HECW1: variants seen among roughly 807,000 people sequenced by gnomAD.
The protein encoded by HECW1 is HECT, C2 and WW domain containing E3 ubiquitin protein ligase 1, also known as E3 ubiquitin-protein ligase HECW1.
In HECW1, 61 loss-of-function variants were observed where a neutral mutation model predicts 182.3. The observed-to-expected ratio is 0.33, with a 90% CI of 0.27 to 0.41. The LOEUF is 0.41. Among genes scored for constraint, HECW1 ranks in the 10% least tolerant of loss-of-function variants. The pLI is 1.00. For missense variants in HECW1, 1,739 were observed against 2,108.9 expected, an observed-to-expected ratio of 0.82 and a Z score of 3.44; for synonymous variants, 859 against 832.6, an observed-to-expected ratio of 1.03 and a Z score of -0.55.
At chr7:43,114,461 A>G (rs1484536343) in intron 2 of HECW1, 70 bp downstream of exon 2, 1 of 1,257,452 alleles carries the variant, frequency 8.0e-7, no homozygotes, top group Non-Finnish European at 1.0e-6. Context: ...TAGAGTCCAC[A>G]TGCCCACCCT....
At chr7:43,278,465 C>T (rs1803458791) in intron 3 of HECW1, among the ~76,000 whole-genome samples, 1 of 152,162 alleles carries the variant, frequency 6.6e-6, no homozygotes, top group South Asian at 2.1e-4. Flanking sequence ...CCTCCTGTTC[C>T]CACCCATGCG....
chr7:43,508,886 G>C lies in HECW1; in HGVS notation c.3867-83G>C. The C allele has an allele frequency of 2.1e-6, 3 of 1,460,510 alleles. No individual in the cohort carries two copies. The South Asian group carries it at 3.8e-5, about 19-fold the overall frequency. 90.5% of individuals were successfully genotyped at this position (1,460,510 alleles called of 1,614,324 possible). On this transcript the variant is annotated intron_variant, in intron 23 of 29. Coordinates refer to ENST00000395891, the MANE Select transcript of HECW1 (RefSeq NM_015052.5). ...CTTTCCCCAGCACCCAACTCTGAAA[G>C]GGCACACTAGAATCTGGGTGCAAAC...
chr7:43,332,994 G>A (rs1811686935), intron 5 of HECW1, among the ~76,000 whole-genome samples: 1 of 152,214 alleles, frequency 6.6e-6, no homozygotes, highest in African/African-American at 2.4e-5. Context: ...AAGACAGCCT[G>A]CCTTCAGAGA....
chr7:43,438,837 A>G (rs990113233), intron 9 of HECW1: 4 of 152,242 alleles, frequency 2.6e-5, no homozygotes, highest in African/African-American at 9.6e-5. Context: ...AAAGCTTTCT[A>G]TTGATAAACA....
At chr7:43,250,122 C>CACACACACACACGCGCACACACACAT (rs1037418675) in intron 3 of HECW1, among the ~76,000 whole-genome samples, 1 of 100,962 alleles carries the variant, frequency 9.9e-6, no homozygotes. Context: ...AACCAAAACA[C>CACACACACACACGCGCACACACACAT]ACACACACAC....
chr7:43,324,694 A>G (rs569848156), intron 5 of HECW1, among the ~76,000 whole-genome samples: 26 of 152,382 alleles, frequency 1.7e-4, no homozygotes, highest in African/African-American at 6.0e-4. Flanking sequence ...TTGGTAAATT[A>G]TACTCTCTTA....
intron 12 of HECW1, among the ~76,000 whole-genome samples, chr7:43,452,318 C>G (rs1213015941): frequency 2.0e-5 from 3 of 152,204 alleles, no homozygotes; most frequent in Non-Finnish European, 4.4e-5. Flanking sequence ...CTGTGCAGTA[C>G]AGATGACTAG....
chr7:43,346,164 T>A (rs1290605629), intron 5 of HECW1, among the ~76,000 whole-genome samples: 1 of 152,178 alleles, frequency 6.6e-6, no homozygotes. Context: ...CTACTGTTTT[T>A]TTATTTTTTT....
intron 2 of HECW1, among the ~76,000 whole-genome samples, chr7:43,197,418 G>T (rs529026730): frequency 1.3e-5 from 2 of 152,164 alleles, no homozygotes; most frequent in South Asian, 4.1e-4. Context: ...GCTGCCTGTG[G>T]AGAGGCATTG....
At chr7:43,407,018 T>C (rs1404733076) in intron 7 of HECW1, among the ~76,000 whole-genome samples, 3 of 152,180 alleles carry the variant, frequency 2.0e-5, no homozygotes, top group Non-Finnish European at 4.4e-5. Context: ...GCACACACAC[T>C]CTTTCTGTCT....
Position 43,493,117 on chromosome 7 carries a change from A to C in HECW1, c.3374A>C (p.Gln1125Pro). 1.2e-6 allele frequency: 2 copies of C among 1,613,770 alleles called. No individual in the cohort carries two copies. The highest frequency in any genetic ancestry group is 8.5e-7 in the Non-Finnish European group (1 of 1,179,830). Residue 1125 changes from glutamine to proline, a missense_variant, in exon 19 of 30, where the codon CAG becomes CCG. Physicochemically the swap from Gln to Pro is moderately conservative, Grantham distance 76 (BLOSUM62 -1). Around this residue, in one of 5 missense-constraint regions of HECW1, gnomAD observed 971 missense variants for 1,029.1 expected, o/e 0.94. Transcript: ENST00000395891. ...YNDKIVAFLR[Q>P]PNIFEMLQER... ...GACAAGATTGTGGCATTTCTTCGCC[A>C]GCCAAACATTTTTGAAATGCTGCAA... is the stretch of plus-strand genomic sequence containing the variant.
In HECW1 at chr7:43,131,676, T is replaced by A. The variant is rs571057404; in HGVS notation, c.-32+17285T>A. ...ACATATATTGTATTCCAACCCTCTA[T>A]GAAGGTGCCAGACTCCAACTTGTCA... On this transcript the variant is annotated intron_variant, in intron 2 of 29. Coordinates refer to ENST00000395891, the MANE Select transcript of HECW1 (RefSeq NM_015052.5). Among the ~76,000 whole-genome samples, 4 of 152,330 alleles carry A rather than the reference T, an allele frequency of 2.6e-5. No individual in the cohort carries two copies. In the South Asian group the frequency reaches 8.3e-4, roughly 32 times the overall value.
chr7:43,489,599 C>T (rs2078851258), intron 17 of HECW1, among the ~76,000 whole-genome samples: 1 of 152,224 alleles, frequency 6.6e-6, no homozygotes, highest in Non-Finnish European at 1.5e-5. Flanking sequence ...AATCTACTCC[C>T]TTGTCCTTCA....
At chr7:43,207,044 A>C (rs1179529663) in intron 2 of HECW1, among the ~76,000 whole-genome samples, 1 of 151,842 alleles carries the variant, frequency 6.6e-6, no homozygotes, top group Non-Finnish European at 1.5e-5. Context: ...TTACCTTTTA[A>C]ATTTTTATTT....
At chr7:43,354,521 A>G (rs1244426061) in intron 5 of HECW1, among the ~76,000 whole-genome samples, 1 of 152,236 alleles carries the variant, frequency 6.6e-6, no homozygotes, top group African/African-American at 2.4e-5. Context: ...GCTGAAGTGA[A>G]AAATTTATTA....
intron 4 of HECW1, among the ~76,000 whole-genome samples, chr7:43,317,017 T>C (rs946534170): frequency 2.0e-5 from 3 of 151,686 alleles, no homozygotes; most frequent in Non-Finnish European, 4.4e-5. Context: ...TATGTGATCT[T>C]AGGCAGTTTA....
At chr7:43,426,852 A>G (rs2076377819) in intron 8 of HECW1, among the ~76,000 whole-genome samples, 1 of 152,048 alleles carries the variant, frequency 6.6e-6, no homozygotes, top group African/African-American at 2.4e-5. Flanking sequence ...TTCATTATAT[A>G]TGCTTTCTAT....
At chr7:43,344,927 G>A (rs542293033) in intron 5 of HECW1, among the ~76,000 whole-genome samples, 2 of 152,152 alleles carry the variant, frequency 1.3e-5, no homozygotes, top group East Asian at 1.9e-4. Flanking sequence ...CTTTTTGCTC[G>A]AGTGTTTTAA....
chr7:43,167,201 A>G lies in HECW1; in HGVS notation c.-32+52810A>G, dbSNP rs113939621. 5.9e-3 allele frequency among the ~76,000 whole-genome samples: 891 copies of G among 152,096 alleles called. 4 individuals carry two copies. The highest frequency in any genetic ancestry group is 0.021 in the African/African-American group (858 of 41,492). On this transcript the variant is annotated intron_variant, in intron 2 of 29. Coordinates refer to ENST00000395891, the MANE Select transcript of HECW1 (RefSeq NM_015052.5). The stretch of plus-strand genomic sequence containing the variant: ...AGGCCCTAGAGGAGGATCCTCCCCT[A>G]TCCTCTTCCAGCTCCTGGTGGTGCT...
Sources: gnomAD v4.1 joint callset for allele counts (sites outside exome capture counted in the v4.1 genomes callset) on GRCh38, gnomAD v4.1.1 for gene constraint, gnomAD v4.1.1 regional missense constraint, MANE v1.5 for transcripts, NCBI Gene and HGNC (gene_info 2026-07-23, HGNC 2026-07-21) for gene names.